TMEM116: variants seen among roughly 807,000 people sequenced by gnomAD.
The protein encoded by TMEM116 is transmembrane protein 116.
In TMEM116, 38 loss-of-function variants were observed where a neutral mutation model predicts 44.3. The observed-to-expected ratio is 0.86, with a 90% CI of 0.66 to 1.12. The LOEUF (loss-of-function observed/expected upper bound fraction) is 1.12, where lower values mean the gene tolerates loss of function less well. Ranked by LOEUF, TMEM116 falls within the 50% of genes most tolerant of loss-of-function variation. The pLI is 0.00. For synonymous variants in TMEM116, 132 were observed against 144.8 expected (o/e 0.91, Z 0.64); for missense variants, 354 against 401.7 (o/e 0.88, Z 1.01).
intron 4 of TMEM116, among the ~76,000 whole-genome samples, chr12:111,960,634 A>G (rs2074514870): frequency 6.6e-6 from 1 of 152,160 alleles, no homozygotes; most frequent in Non-Finnish European, 1.5e-5. Flanking sequence ...ACCAATGAGA[A>G]CAAAGACACA....
rs79314893 is a variant in TMEM116 at position 112,006,099 on chromosome 12, T to G, written c.-33-796A>C. On this transcript the variant is annotated intron_variant, in intron 1 of 10. Coordinates refer to ENST00000552374, the MANE Select transcript of TMEM116 (RefSeq NM_001193531.2). ...GGCTCCACCCCTATCCCAGCTGGGC[T>G]CCTCCTATACTGAATCCTGCTCTGT... 2,448 of 360,462 alleles carry G rather than the reference T, an allele frequency of 6.8e-3. 62 individuals carry two copies. The highest frequency in any genetic ancestry group is 0.05 in the African/African-American group (2,281 of 45,294). 22.3% of individuals were successfully genotyped at this position (360,462 alleles called of 1,614,324 possible). A position where few individuals can be genotyped will look rare whatever the true frequency, so the allele number is the denominator to read the frequency against.
At chr12:111,957,107 A>G (rs2074171561) in intron 4 of TMEM116, among the ~76,000 whole-genome samples, 1 of 148,296 alleles carries the variant, frequency 6.7e-6, no homozygotes, top group African/African-American at 2.5e-5. Context: ...GGATGTGAGG[A>G]GCCCCTCTGC....
At chr12:111,941,929 TTTA>T in intron 5 of TMEM116, among the ~76,000 whole-genome samples, 1 of 152,128 alleles carries the variant, frequency 6.6e-6, no homozygotes, top group East Asian at 1.9e-4. Context: ...AACATTTCAT[TTTA>T]TTTTATTTTT....
chr12:111,938,520 A>G (rs544306459), intron 5 of TMEM116, among the ~76,000 whole-genome samples: 3 of 152,250 alleles, frequency 2.0e-5, no homozygotes, highest in Non-Finnish European at 2.9e-5. Flanking sequence ...TTAAAAAGAA[A>G]GGCATATATG....
chr12:111,975,039 G>T (rs1422120495), intron 4 of TMEM116, among the ~76,000 whole-genome samples: 1 of 152,206 alleles, frequency 6.6e-6, no homozygotes, highest in Non-Finnish European at 1.5e-5. Context: ...TTGTTCATGG[G>T]TCAGAAGACT....
intron 10 of TMEM116, 129 bp downstream of exon 10, chr12:111,932,457 T>A: frequency 1.3e-6 from 1 of 749,346 alleles, no homozygotes; most frequent in Admixed American, 2.6e-5. Flanking sequence ...TGAGTGTAAA[T>A]AATACATTTT....
chr12:111,998,212 T>A (rs7954482), intron 3 of TMEM116, among the ~76,000 whole-genome samples: 21,557 of 152,102 alleles, frequency 0.14, 2,524 homozygotes, highest in African/African-American at 0.32. Flanking sequence ...CAAACTCTGA[T>A]TAGTGAGTGA....
chr12:111,947,046 TA>T (rs1346675924), intron 4 of TMEM116, among the ~76,000 whole-genome samples: 1 of 152,136 alleles, frequency 6.6e-6, no homozygotes, highest in Non-Finnish European at 1.5e-5. Flanking sequence ...ATAACTGGCC[TA>T]AAAAAACCAA....
rs2075706241 is a variant in TMEM116, at chr12:111,977,039, CAT to C, written c.210+14717_210+14718del. 3.3e-5 allele frequency among the ~76,000 whole-genome samples: 5 copies of C among 152,132 alleles called. No individual in the cohort carries two copies. In the South Asian group the frequency reaches 8.3e-4, roughly 25 times the overall value. ...GAGGGAGAAGAAAGAGCAAAAGAAA[CAT>C]AAGAAATATCTGAAGTAATAATGAC... is the stretch of plus-strand genomic sequence containing the variant. On this transcript the variant is annotated intron_variant, in intron 4 of 10. Transcript: ENST00000552374.
At chr12:111,938,556 C>G (rs910669632) in intron 5 of TMEM116, among the ~76,000 whole-genome samples, 3 of 152,176 alleles carry the variant, frequency 2.0e-5, no homozygotes, top group African/African-American at 7.2e-5. Context: ...CCTCTATCTT[C>G]TAATAACAGT....
At chr12:111,947,113 TTTAA>T (rs1487060213) in intron 4 of TMEM116, among the ~76,000 whole-genome samples, 1 of 152,120 alleles carries the variant, frequency 6.6e-6, no homozygotes, top group African/African-American at 2.4e-5. Context: ...ATATTGGGTT[TTTAA>T]TTAAAGTGTT....
intron 4 of TMEM116, among the ~76,000 whole-genome samples, chr12:111,956,660 C>T (rs558523142): frequency 2.0e-4 from 31 of 152,276 alleles, no homozygotes; most frequent in Non-Finnish European, 2.6e-4. Context: ...ACTGCAGGTG[C>T]GCGCCGCCAC....
chr12:111,931,804 A>G lies in TMEM116; in HGVS notation c.831T>C (p.Gly277=). 6.5e-7 allele frequency: 1 copy of G among 1,539,140 alleles called. No individual in the cohort carries two copies. The part of the protein sequence containing the change: ...VLQALTATSQ[G]LLNCGVYGWT... ...AGCCATATACTCCACAGTTGAGTAGACCCTGAGATGTTGCCGTTAGAGCCT... is the reference window on the plus strand; with the variant it reads ...AGCCATATACTCCACAGTTGAGTAGGCCCTGAGATGTTGCCGTTAGAGCCT... Residue 277 remains glycine (G), a synonymous_variant, in exon 11 of 11, where the codon GGT becomes GGC. Transcript: ENST00000552374.
In TMEM116 at chr12:111,979,847, A is replaced by G. The variant is rs186966883; in HGVS notation, c.210+11911T>C. 2.1e-3 allele frequency among the ~76,000 whole-genome samples: 315 copies of G among 152,368 alleles called. 1 individual carries two copies. The highest frequency in any genetic ancestry group is 7.2e-3 in the African/African-American group (301 of 41,596). Reference sequence around the variant, plus strand: ...AGCATATAAAAAAATGTTCAACATTATATGTCATTAGAGAGCTGAAAATTA... The same window carrying G: ...AGCATATAAAAAAATGTTCAACATTGTATGTCATTAGAGAGCTGAAAATTA... On this transcript the variant is annotated intron_variant, in intron 4 of 10. Transcript: ENST00000552374.
intron 4 of TMEM116, chr12:111,978,883 C>T (rs2075801224): frequency 7.6e-6 from 2 of 263,004 alleles, no homozygotes; most frequent in East Asian, 1.2e-4. Flanking sequence ...CTAATATAGT[C>T]AACTCATCTT....
At chr12:111,968,077 C>G (rs2075084101) in intron 4 of TMEM116, among the ~76,000 whole-genome samples, 1 of 151,932 alleles carries the variant, frequency 6.6e-6, no homozygotes, top group African/African-American at 2.4e-5. Context: ...AACAAACAAA[C>G]AAACAAAAGG....
chr12:111,975,793 T>TAA lies in TMEM116; in HGVS notation c.210+15963_210+15964dup, dbSNP rs60287859. Among the ~76,000 whole-genome samples, 8,353 of 148,890 alleles carry TAA rather than the reference T, an allele frequency of 0.056. 1,279 individuals are homozygous for TAA. In the East Asian group the frequency reaches 0.61, roughly 11 times the overall value. ...TCTTGTCTGATGTAAAGGGATACTT[T>TAA]AAAAAAAAAACACTGAGAAAAAGTT... On this transcript the variant is annotated intron_variant, in intron 4 of 10. Coordinates refer to ENST00000552374, the MANE Select transcript of TMEM116 (RefSeq NM_001193531.2).
At chr12:111,963,872 A>C (rs1461034913) in intron 4 of TMEM116, among the ~76,000 whole-genome samples, 1 of 152,156 alleles carries the variant, frequency 6.6e-6, no homozygotes, top group African/African-American at 2.4e-5. Flanking sequence ...TTTTCATATG[A>C]TTAAATTTAC....
intron 4 of TMEM116, among the ~76,000 whole-genome samples, chr12:111,967,727 T>A (rs1053358178): frequency 1.3e-5 from 2 of 152,010 alleles, no homozygotes; most frequent in African/African-American, 4.8e-5. Context: ...AAATACACTT[T>A]AAAAAAACAA....
Sources: allele counts gnomAD v4.1 joint callset (sites outside exome capture counted in the v4.1 genomes callset), GRCh38; gene constraint gnomAD v4.1.1; transcripts MANE v1.5; gene names NCBI Gene and HGNC (gene_info 2026-07-23, HGNC 2026-07-21).